The following TRPS1 variants were observed in gnomAD, a reference collection of about 807,000 sequenced individuals.
The protein encoded by TRPS1 is zinc finger transcription factor Trps1.
Under a neutral mutation model 101.2 loss-of-function variants are expected in TRPS1, and 6 were observed. The observed-to-expected ratio is 0.06, with a 90% confidence interval of 0.03 to 0.12. TRPS1 has a LOEUF of 0.12. Among genes scored for constraint, TRPS1 ranks in the 10% least tolerant of loss-of-function variants. The pLI is 1.00. For missense variants in TRPS1, 1,363 were observed against 1,567.0 expected (o/e 0.87, Z 2.20); for synonymous variants, 578 against 589.8 (o/e 0.98, Z 0.29).
rs555781615 is a variant in TRPS1, at chr8:115,460,691, T to C, written c.2701-42239A>G. Reference sequence around the variant, plus strand: ...GAGTGAAGCCTTATAACCAAGACCATGCGATTCAATTAAGACTCAGAACTG... The same window carrying C: ...GAGTGAAGCCTTATAACCAAGACCACGCGATTCAATTAAGACTCAGAACTG... On this transcript the variant is annotated intron_variant, in intron 5 of 6. Coordinates refer to ENST00000395715, the MANE Select transcript of TRPS1 (RefSeq NM_014112.5). Among the ~76,000 whole-genome samples the C allele has an allele frequency of 2.6e-4, 40 of 152,194 alleles. No individual in the cohort carries two copies. The South Asian group carries it at 2.7e-3, about 10-fold the overall frequency.
At chr8:115,485,690 A>C (rs1814861374) in intron 5 of TRPS1, among the ~76,000 whole-genome samples, 1 of 152,248 alleles carries the variant, frequency 6.6e-6, no homozygotes, top group South Asian at 2.1e-4. Flanking sequence ...TTTACTGAGA[A>C]GCTGAGGCGA....
chr8:115,438,476 T>C (rs1436349336), intron 5 of TRPS1, among the ~76,000 whole-genome samples: 2 of 152,224 alleles, frequency 1.3e-5, no homozygotes, highest in East Asian at 3.9e-4. Flanking sequence ...TCAATCATGA[T>C]GAAGGGTCAT....
chr8:115,441,903 G>A (rs1446426127), intron 5 of TRPS1, among the ~76,000 whole-genome samples: 12 of 151,642 alleles, frequency 7.9e-5, no homozygotes, highest in African/African-American at 2.9e-4. Context: ...GAGAGAGTGT[G>A]TGTGTGTGTG....
At chr8:115,533,214 G>A (rs1029410114) in intron 5 of TRPS1, among the ~76,000 whole-genome samples, 4 of 152,024 alleles carry the variant, frequency 2.6e-5, no homozygotes, top group Non-Finnish European at 5.9e-5. Flanking sequence ...TAACTGTGAG[G>A]TTATCCGCTA....
At chr8:115,656,403 C>A (rs770726020) in intron 1 of TRPS1, among the ~76,000 whole-genome samples, 7 of 152,172 alleles carry the variant, frequency 4.6e-5, no homozygotes, top group Non-Finnish European at 8.8e-5. Context: ...ATTTTTAACC[C>A]TGTGTCTGGG....
At position 115,656,270 on chromosome 8, in the gene TRPS1, G is replaced by A. The variant is rs182148623; in HGVS notation, c.-122+12275C>T. Among the ~76,000 whole-genome samples, 428 of 152,182 alleles carry A rather than the reference G, an allele frequency of 2.8e-3. 1 individual carries two copies. The highest frequency in any genetic ancestry group is 4.9e-3 in the Non-Finnish European group (335 of 67,998). The stretch of plus-strand genomic sequence containing the variant: ...TAATTATAATTTAAGAATGCCGATC[G>A]TCTCATGCAAAGCAGTCGAAAAACA... On this transcript the variant is annotated intron_variant, in intron 1 of 6. Transcript: ENST00000395715.
At chr8:115,457,192 T>C (rs191626170) in intron 5 of TRPS1, among the ~76,000 whole-genome samples, 44 of 152,254 alleles carry the variant, frequency 2.9e-4, no homozygotes, top group Admixed American at 2.6e-3. Flanking sequence ...TTTAGACTGA[T>C]TAGAAAAAGT....
chr8:115,518,739 G>A (rs549408383), intron 5 of TRPS1, among the ~76,000 whole-genome samples: 3 of 151,844 alleles, frequency 2.0e-5, no homozygotes, highest in South Asian at 2.1e-4. Context: ...GCATAGCTCC[G>A]ATCACTTTAA....
At position 115,432,290 on chromosome 8, in the gene TRPS1, CGTGCTTCAAA is replaced by C. The variant is rs1191149381; in HGVS notation, c.2701-13848_2701-13839del. ...AATTTTAAAACACGTGCAGTTACTACGTGCTTCAAAATGTTTGTACTCTTTGAAAGAAATG... is the reference window on the plus strand; with the variant it reads ...AATTTTAAAACACGTGCAGTTACTACATGTTTGTACTCTTTGAAAGAAATG... On this transcript the variant is annotated intron_variant, in intron 5 of 6. Coordinates refer to ENST00000395715, the MANE Select transcript of TRPS1 (RefSeq NM_014112.5). 2.0e-5 allele frequency among the ~76,000 whole-genome samples: 3 copies of C among 151,882 alleles called. No individual in the cohort carries two copies. In the East Asian group the frequency reaches 5.8e-4, roughly 29 times the overall value.
intron 6 of TRPS1, among the ~76,000 whole-genome samples, chr8:115,416,729 C>T (rs762869911): frequency 1.3e-5 from 2 of 151,922 alleles, no homozygotes; most frequent in Non-Finnish European, 2.9e-5. Flanking sequence ...TACAAACATA[C>T]TTCCAAGTGA....
At chr8:115,556,399 T>G (rs1816821424) in intron 5 of TRPS1, among the ~76,000 whole-genome samples, 1 of 152,176 alleles carries the variant, frequency 6.6e-6, no homozygotes, top group Non-Finnish European at 1.5e-5. Flanking sequence ...CTGCAATGCC[T>G]GCATATCCTC....
At chr8:115,596,598 T>C (rs1817789776) in intron 4 of TRPS1, among the ~76,000 whole-genome samples, 1 of 151,758 alleles carries the variant, frequency 6.6e-6, no homozygotes, top group South Asian at 2.1e-4. Context: ...TTACATATGA[T>C]AAAGAAAGTA....
chr8:115,549,586 G>A (rs984322899), intron 5 of TRPS1, among the ~76,000 whole-genome samples: 1 of 150,982 alleles, frequency 6.6e-6, no homozygotes, highest in Non-Finnish European at 1.5e-5. Flanking sequence ...TATTCCTTGA[G>A]TTGTGTAGTT....
At chr8:115,662,535 G>T (rs1174533909) in intron 1 of TRPS1, among the ~76,000 whole-genome samples, 1 of 151,948 alleles carries the variant, frequency 6.6e-6, no homozygotes, top group Admixed American at 6.6e-5. Flanking sequence ...CCAAGGAAGA[G>T]AACACTAGCA....
intron 5 of TRPS1, among the ~76,000 whole-genome samples, chr8:115,478,832 T>C (rs1459638965): frequency 7.0e-6 from 1 of 142,922 alleles, no homozygotes; most frequent in African/African-American, 2.8e-5. Context: ...TATGTATATA[T>C]GTATATAAAT....
rs559013275 is a variant in TRPS1, at chr8:115,430,222, T to C, written c.2701-11770A>G. 4.7e-4 allele frequency among the ~76,000 whole-genome samples: 72 copies of C among 152,282 alleles called. 1 individual carries two copies. In the South Asian group the frequency reaches 7.9e-3, roughly 17 times the overall value. ...TTTTCATATCTTGAATTGTCTTAAATCACAAAATAGTCCTACTTTCTCTGT... is the reference window on the plus strand; with the variant it reads ...TTTTCATATCTTGAATTGTCTTAAACCACAAAATAGTCCTACTTTCTCTGT... On this transcript the variant is annotated intron_variant, in intron 5 of 6. Transcript: ENST00000395715.
intron 1 of TRPS1, among the ~76,000 whole-genome samples, chr8:115,644,440 A>ATC (rs1180021504): frequency 2.0e-5 from 3 of 152,170 alleles, no homozygotes; most frequent in African/African-American, 7.2e-5. Context: ...CAACTTCTTT[A>ATC]TCTCTCTCTC....
chr8:115,445,433 A>G (rs1326105393), intron 5 of TRPS1, among the ~76,000 whole-genome samples: 1 of 152,216 alleles, frequency 6.6e-6, no homozygotes, highest in African/African-American at 2.4e-5. Flanking sequence ...GAATTTCACT[A>G]TTCTTACCAT....
intron 1 of TRPS1, chr8:115,661,503 ACTC>A (rs2130629576): frequency 6.6e-6 from 1 of 152,160 alleles, no homozygotes; most frequent in East Asian, 1.9e-4. Context: ...CATTGCTAGA[ACTC>A]CTCTCATATT....
Sources: allele counts gnomAD v4.1 joint callset (sites outside exome capture counted in the v4.1 genomes callset), GRCh38; gene constraint gnomAD v4.1.1; transcripts MANE v1.5; gene names NCBI Gene and HGNC (gene_info 2026-07-23, HGNC 2026-07-21).